The following CRB1 variants were observed in gnomAD, a reference collection of about 807,000 sequenced individuals.
CRB1 encodes protein crumbs homolog 1.
A neutral mutation model predicts 120.0 loss-of-function variants in CRB1; 83 were observed. That is an observed-to-expected ratio of 0.69 (90% CI 0.58 to 0.83). The LOEUF (loss-of-function observed/expected upper bound fraction) is 0.83, where lower values mean the gene tolerates loss of function less well. CRB1 is among the 40% of genes least tolerant of loss of function. The pLI is 0.00. For synonymous variants in CRB1, 625 were observed against 612.5 expected, an observed-to-expected ratio of 1.02 and a Z score of -0.30; for missense variants, 1,699 against 1,687.6, an observed-to-expected ratio of 1.01 and a Z score of -0.12.
At chr1:197,353,353 T>C (rs1660216861) in intron 4 of CRB1, among the ~76,000 whole-genome samples, 1 of 152,200 alleles carries the variant, frequency 6.6e-6, no homozygotes, top group South Asian at 2.1e-4. Flanking sequence ...TTCCTTTCTA[T>C]GTGAAAGGGG....
At chr1:197,362,213 A>C (rs1405772304) in intron 5 of CRB1, among the ~76,000 whole-genome samples, 1 of 152,104 alleles carries the variant, frequency 6.6e-6, no homozygotes, top group African/African-American at 2.4e-5. Context: ...CATTCTGTAT[A>C]ATTTCAAATA....
intron 7 of CRB1, among the ~76,000 whole-genome samples, 170 bp downstream of exon 7, chr1:197,428,171 G>A (rs1016465074): frequency 6.6e-6 from 1 of 151,952 alleles, no homozygotes; most frequent in African/African-American, 2.4e-5. Flanking sequence ...AATTTACATT[G>A]AGCCATAGAA....
chr1:197,476,040 G>T (rs549427661), intron 11 of CRB1, among the ~76,000 whole-genome samples: 2 of 151,944 alleles, frequency 1.3e-5, no homozygotes, highest in African/African-American at 4.8e-5. Context: ...CTCCCAAGTC[G>T]TTGGGATTAC....
intron 1 of CRB1, among the ~76,000 whole-genome samples, chr1:197,284,855 T>A (rs1425919931): frequency 6.6e-6 from 1 of 151,946 alleles, no homozygotes; most frequent in African/African-American, 2.4e-5. Context: ...GGTTGTAATA[T>A]CTTTTCTTCA....
intron 1 of CRB1, among the ~76,000 whole-genome samples, chr1:197,288,375 C>A (rs1044559687): frequency 1.3e-5 from 2 of 151,798 alleles, no homozygotes. Context: ...CCTCCAGATT[C>A]GATACGGTCT....
the CRB1 span, among the ~76,000 whole-genome samples, chr1:197,253,955 C>T: frequency 6.6e-6 from 1 of 152,020 alleles, no homozygotes; most frequent in Non-Finnish European, 1.5e-5. Flanking sequence ...ATAAACACAT[C>T]AGCAAATAAA....
chr1:197,363,069 T>G (rs1214630876), intron 5 of CRB1, among the ~76,000 whole-genome samples: 1 of 152,072 alleles, frequency 6.6e-6, no homozygotes, highest in Non-Finnish European at 1.5e-5. Context: ...GTATGACTGA[T>G]CACAGCCTAT....
chr1:197,261,285 G>T, the CRB1 span, among the ~76,000 whole-genome samples: 31 of 152,160 alleles, frequency 2.0e-4, no homozygotes, highest in African/African-American at 7.2e-4. Flanking sequence ...AAACTCTTGT[G>T]CATTTGAACA....
intron 1 of CRB1, among the ~76,000 whole-genome samples, chr1:197,290,265 C>CGCGT (rs1553243758): frequency 1.5e-5 from 2 of 136,982 alleles, no homozygotes; most frequent in Non-Finnish European, 3.1e-5. Flanking sequence ...TGTTCCCTTT[C>CGCGT]GTGTGTGTGT....
intron 11 of CRB1, among the ~76,000 whole-genome samples, chr1:197,447,778 TG>T (rs964570282): frequency 6.8e-6 from 1 of 146,306 alleles, no homozygotes; most frequent in African/African-American, 2.5e-5. Context: ...CACCTGAGCC[TG>T]GGAAGTCGAG....
chr1:197,218,475 C>T, the CRB1 span, among the ~76,000 whole-genome samples: 89,099 of 152,066 alleles, frequency 0.59, 29,411 homozygotes, highest in East Asian at 0.91. Context: ...TTTAAATTTT[C>T]CTGGACCAAA....
chr1:197,277,759 CTA>C (rs1458393383), intron 1 of CRB1, among the ~76,000 whole-genome samples: 1 of 151,908 alleles, frequency 6.6e-6, no homozygotes, highest in Non-Finnish European at 1.5e-5. Flanking sequence ...AGTTGTGTAT[CTA>C]TAAATGCATC....
In CRB1 at chr1:197,268,299, A is replaced by G. The variant is rs1472477423; in HGVS notation, c.-114A>G. 2.5e-6 allele frequency: 2 copies of G among 786,284 alleles called. No homozygotes were observed. Among genetic ancestry groups the G allele is most frequent in the South Asian group, 2.7e-5 (2 of 73,812 alleles). 48.7% of individuals were successfully genotyped at this position (786,284 alleles called of 1,614,324 possible). A position where few individuals can be genotyped will look rare whatever the true frequency, so the allele number is the denominator to read the frequency against. On this transcript the variant is annotated 5_prime_UTR_variant, in exon 1 of 12. It removes an upstream start codon present in the reference 5' UTR. Transcript: ENST00000367400. ...GAGCTGTAAGTAGGGTGGGACAGAG[A>G]TGGCACCTGGGGGTTCTGAGGCACC...
intron 8 of CRB1, among the ~76,000 whole-genome samples, chr1:197,430,852 A>G (rs1664837353): frequency 6.6e-6 from 1 of 152,114 alleles, no homozygotes; most frequent in Non-Finnish European, 1.5e-5. Context: ...CTTCAAATTT[A>G]CTTAATATTT....
In CRB1 at chr1:197,278,587, G is replaced by A. The variant is rs532664231; in HGVS notation, c.70+10105G>A. 3.5e-3 allele frequency among the ~76,000 whole-genome samples: 525 copies of A among 151,894 alleles called. 2 individuals are homozygous for A. The highest frequency in any genetic ancestry group is 0.012 in the African/African-American group (494 of 41,480). On this transcript the variant is annotated intron_variant, in intron 1 of 11. Coordinates refer to ENST00000367400, the MANE Select transcript of CRB1 (RefSeq NM_201253.3). ...CTTCAGCTCAGCTTTGACATACCTC[G>A]GTTTGGCTCACATTTCATTAACAAA... is the stretch of plus-strand genomic sequence containing the variant.
intron 4 of CRB1, among the ~76,000 whole-genome samples, chr1:197,350,040 C>T (rs921769905): frequency 6.7e-6 from 1 of 148,312 alleles, no homozygotes; most frequent in African/African-American, 2.5e-5. Flanking sequence ...GCGGAGCTTG[C>T]AGTGAGCCGA....
intron 5 of CRB1, chr1:197,414,090 C>T (rs1558119742): frequency 4.1e-6 from 1 of 243,868 alleles, no homozygotes; most frequent in African/African-American, 2.3e-5. Context: ...AATGCTATAA[C>T]AGATATTACT....
At chr1:197,467,161 A>G (rs1666783839) in intron 11 of CRB1, among the ~76,000 whole-genome samples, 1 of 152,204 alleles carries the variant, frequency 6.6e-6, no homozygotes, top group South Asian at 2.1e-4. Flanking sequence ...TTCCTTATAA[A>G]AATTGTTTGT....
At chr1:197,326,992 C>T (rs938266504) in intron 1 of CRB1, among the ~76,000 whole-genome samples, 2 of 148,984 alleles carry the variant, frequency 1.3e-5, no homozygotes, top group Non-Finnish European at 3.0e-5. Flanking sequence ...GAACTCAAAA[C>T]TATTTCTCAA....
Sources: allele counts gnomAD v4.1 joint callset (sites outside exome capture counted in the v4.1 genomes callset), GRCh38; gene constraint gnomAD v4.1.1; transcripts MANE v1.5; gene names NCBI Gene and HGNC (gene_info 2026-07-23, HGNC 2026-07-21).